The following TTC28 variants were observed in gnomAD, a reference collection of about 807,000 sequenced individuals.
TTC28 encodes the protein tetratricopeptide repeat domain 28.
In TTC28, 61 loss-of-function variants were observed where a neutral mutation model predicts 198.0. The observed-to-expected ratio is 0.31, with a 90% confidence interval of 0.25 to 0.38. The LOEUF (loss-of-function observed/expected upper bound fraction) is 0.38. Ranked by LOEUF, TTC28 falls within the 10% of genes least tolerant of loss-of-function variation. The probability of loss-of-function intolerance (pLI) is 1.00; values close to 1 mark genes in which losing one functional copy is unlikely to be tolerated. For synonymous variants in TTC28, 1,171 were observed against 1,297.8 expected (o/e 0.90, Z 2.10); for missense variants, 2,678 against 3,164.0 (o/e 0.85, Z 3.69).
In TTC28 at chr22:28,669,345, C is replaced by T. The variant is rs968861859; in HGVS notation, c.102+10277G>A. Among the ~76,000 whole-genome samples the T allele has an allele frequency of 4.0e-5, 6 of 151,086 alleles. No homozygotes were observed. In the East Asian group the frequency reaches 9.7e-4, roughly 24 times the overall value. ...GAAAAAGAAACTTCACATGGGGCCA[C>T]ATGTCTAATAAAGGTGACTGAATCC... On this transcript the variant is annotated intron_variant, in intron 1 of 22. Coordinates refer to ENST00000397906, the MANE Select transcript of TTC28 (RefSeq NM_001145418.2).
chr22:28,638,003 G>T (rs966429130), intron 1 of TTC28, among the ~76,000 whole-genome samples: 1 of 152,102 alleles, frequency 6.6e-6, no homozygotes, highest in East Asian at 1.9e-4. Context: ...CATTAAGAGG[G>T]TTTAATTATA....
chr22:27,992,799 G>C, intron 18 of TTC28, 136 bp from the exon 19 acceptor site: 2 of 787,328 alleles, frequency 2.5e-6, no homozygotes, highest in South Asian at 1.8e-5. Context: ...CTAGACATGT[G>C]TGTCTGTGTG....
chr22:28,174,494 G>A (rs913486683), intron 5 of TTC28, among the ~76,000 whole-genome samples: 3 of 152,126 alleles, frequency 2.0e-5, no homozygotes, highest in Non-Finnish European at 2.9e-5. Context: ...CATCAACTTC[G>A]TACACTGAAG....
At chr22:28,062,462 A>G (rs1940586308) in intron 12 of TTC28, among the ~76,000 whole-genome samples, 1 of 70,716 alleles carries the variant, frequency 1.4e-5, no homozygotes, top group Non-Finnish European at 3.2e-5. Flanking sequence ...CTAGAATTCT[A>G]CTTTATTTTG....
chr22:28,319,883 GTATA>G (rs1367107207), intron 2 of TTC28, among the ~76,000 whole-genome samples: 13 of 152,312 alleles, frequency 8.5e-5, no homozygotes, highest in Admixed American at 7.2e-4. Flanking sequence ...ATATCTCAGT[GTATA>G]TCTACTTAGA....
intron 1 of TTC28, among the ~76,000 whole-genome samples, chr22:28,661,576 T>A (rs1443532892): frequency 6.6e-6 from 1 of 151,950 alleles, no homozygotes; most frequent in Admixed American, 6.6e-5. Flanking sequence ...CATGCCACCA[T>A]ACCCGGCTAA....
intron 2 of TTC28, among the ~76,000 whole-genome samples, chr22:28,449,850 C>A (rs916352150): frequency 6.6e-6 from 1 of 152,096 alleles, no homozygotes; most frequent in Non-Finnish European, 1.5e-5. Flanking sequence ...TTCTGAGAGA[C>A]ATTTCACAAG....
intron 2 of TTC28, among the ~76,000 whole-genome samples, chr22:28,402,957 T>C (rs1601346623): frequency 6.6e-6 from 1 of 152,222 alleles, no homozygotes; most frequent in Non-Finnish European, 1.5e-5. Flanking sequence ...TTATTATAAG[T>C]CTAATTACTC....
chr22:28,127,616 T>C (rs568079266), intron 6 of TTC28, among the ~76,000 whole-genome samples: 5 of 152,256 alleles, frequency 3.3e-5, no homozygotes, highest in Non-Finnish European at 7.3e-5. Context: ...AATTTTCATA[T>C]TGATTACATG....
intron 1 of TTC28, among the ~76,000 whole-genome samples, chr22:28,656,918 C>CA (rs566804756): frequency 4.4e-4 from 66 of 149,072 alleles, no homozygotes; most frequent in Middle Eastern, 3.4e-3. Flanking sequence ...TAAAAAAATA[C>CA]AAAAAAAAAC....
intron 2 of TTC28, among the ~76,000 whole-genome samples, chr22:28,315,282 ATTT>A (rs917677933): frequency 6.9e-6 from 1 of 145,798 alleles, no homozygotes; most frequent in Admixed American, 6.9e-5. Context: ...CTGGATTTGG[ATTT>A]TTTTTTTTTT....
intron 2 of TTC28, among the ~76,000 whole-genome samples, chr22:28,412,042 A>C (rs947984413): frequency 2.0e-5 from 3 of 152,242 alleles, no homozygotes; most frequent in Non-Finnish European, 4.4e-5. Context: ...TAGTAAGGCA[A>C]GTTCTATAAG....
intron 5 of TTC28, among the ~76,000 whole-genome samples, chr22:28,289,250 A>T (rs1223668411): frequency 6.6e-6 from 1 of 152,228 alleles, no homozygotes; most frequent in Non-Finnish European, 1.5e-5. Context: ...TGTATCCAGG[A>T]GGCAGGTGGG....
Position 27,980,440 on chromosome 22 carries a change from G to A in TTC28, c.*1781C>T, listed in dbSNP as rs1305988372. 1 of 152,186 alleles carries A rather than the reference G, an allele frequency of 6.6e-6. No homozygotes were observed. The highest frequency in any genetic ancestry group is 2.4e-5 in the African/African-American group (1 of 41,402). 9.4% of individuals were successfully genotyped at this position (152,186 alleles called of 1,614,324 possible). A position where few individuals can be genotyped will look rare whatever the true frequency, so the allele number is the denominator to read the frequency against. On this transcript the variant is annotated 3_prime_UTR_variant, in exon 23 of 23. Transcript: ENST00000397906. ...CTGTTGGTTAAATTAAAAACCCCTA[G>A]GATGGAGCTCAGGAGAACACAGATT...
At chr22:28,087,497 T>C (rs1022980092) in intron 12 of TTC28, among the ~76,000 whole-genome samples, 12 of 152,176 alleles carry the variant, frequency 7.9e-5, no homozygotes, top group African/African-American at 2.9e-4. Flanking sequence ...AATTAGGTAT[T>C]GATGGGACGT....
chr22:28,523,583 T>C lies in TTC28; in HGVS notation c.381+105969A>G, dbSNP rs141070292. 7.2e-5 allele frequency among the ~76,000 whole-genome samples: 11 copies of C among 152,250 alleles called. No individual in the cohort carries two copies. In the East Asian group the frequency reaches 2.1e-3, roughly 29 times the overall value. Reference sequence around the variant, plus strand: ...AGTATCTGAGAGCGTTCCATGTGCTTGGCCCTTTTTATATATTGTCTCAAC... The same window carrying C: ...AGTATCTGAGAGCGTTCCATGTGCTCGGCCCTTTTTATATATTGTCTCAAC... On this transcript the variant is annotated intron_variant, in intron 2 of 22. Coordinates refer to ENST00000397906, the MANE Select transcript of TTC28 (RefSeq NM_001145418.2).
At chr22:28,504,028 C>T (rs923491466) in intron 2 of TTC28, among the ~76,000 whole-genome samples, 5 of 152,150 alleles carry the variant, frequency 3.3e-5, no homozygotes, top group African/African-American at 1.2e-4. Context: ...TAATGTAAAT[C>T]AATAATTTGT....
chr22:28,494,831 C>A (rs2048429964), intron 2 of TTC28, among the ~76,000 whole-genome samples: 1 of 151,206 alleles, frequency 6.6e-6, no homozygotes, highest in Non-Finnish European at 1.5e-5. Flanking sequence ...AAAACAGGAA[C>A]AAACTGACTC....
intron 12 of TTC28, among the ~76,000 whole-genome samples, chr22:28,081,108 T>C (rs1569126204): frequency 6.6e-6 from 1 of 150,644 alleles, no homozygotes; most frequent in Non-Finnish European, 1.5e-5. Flanking sequence ...CATATGTACA[T>C]ATATATTTAT....
Sources: gnomAD v4.1 joint callset for allele counts (sites outside exome capture counted in the v4.1 genomes callset) on GRCh38, gnomAD v4.1.1 for gene constraint, MANE v1.5 for transcripts, NCBI Gene and HGNC (gene_info 2026-07-23, HGNC 2026-07-21) for gene names.